MPHOSPH8: variants seen among roughly 807,000 people sequenced by gnomAD.
MPHOSPH8 encodes the protein M-phase phosphoprotein 8.
MPHOSPH8 carries 45 observed loss-of-function variants against 87.3 expected under a neutral mutation model. The ratio of observed to expected loss-of-function variants is 0.52; its 90% CI spans 0.41 to 0.66. The LOEUF is 0.66. MPHOSPH8 is among the 30% of genes least tolerant of loss of function. The probability of loss-of-function intolerance (pLI) is 0.00; values close to 1 mark genes in which losing one functional copy is unlikely to be tolerated. For synonymous variants in MPHOSPH8, 366 were observed against 376.9 expected (o/e 0.97, Z 0.33); for missense variants, 883 against 1,020.2 (o/e 0.87, Z 1.83).
intron 2 of MPHOSPH8, 65 bp downstream of exon 2, chr13:19,642,335 A>G: frequency 1.6e-6 from 2 of 1,276,196 alleles, no homozygotes; most frequent in Non-Finnish European, 2.1e-6. Context: ...TAACTCTCAA[A>G]GTATGTGTAG....
In MPHOSPH8 at chr13:19,670,335, A is replaced by G. The variant is rs1183846277; in HGVS notation, c.2429A>G (p.Asn810Ser). Residue 810 changes from asparagine (N) to serine (S), a missense_variant, in exon 12 of 14, where the codon AAT (asparagine) becomes AGT (serine). By Grantham distance (46) the Asn-to-Ser change is conservative. This residue lies in a region of MPHOSPH8 where 741 missense variants were observed against 841.5 expected (regional missense o/e 0.88). Coordinates refer to ENST00000361479, the MANE Select transcript of MPHOSPH8 (RefSeq NM_017520.4). ...TGTAGTGTACAAGCTGTAGTTCTGA[A>G]TGATAAATTTCAGCTTCCTGTTTTT... ...GPCSVQAVVLNDKFQLPVFLD... is the reference protein window; with the variant it reads ...GPCSVQAVVLSDKFQLPVFLD... The G allele has an allele frequency of 1.2e-6, 2 of 1,614,016 alleles. No individual in the cohort carries two copies. The highest frequency in any genetic ancestry group is 1.7e-6 in the Non-Finnish European group (2 of 1,179,998).
At chr13:19,660,717 C>CT (rs566986291) in intron 7 of MPHOSPH8, among the ~76,000 whole-genome samples, 1 of 151,998 alleles carries the variant, frequency 6.6e-6, no homozygotes, top group South Asian at 2.1e-4. Context: ...TCATTAGAGT[C>CT]TTTTTTCATT....
At chr13:19,643,064 C>G (rs1874380733) in intron 2 of MPHOSPH8, among the ~76,000 whole-genome samples, 1 of 152,166 alleles carries the variant, frequency 6.6e-6, no homozygotes, top group African/African-American at 2.4e-5. Flanking sequence ...TAATGGACTT[C>G]TACTGAACTG....
At chr13:19,661,960 T>TTG in intron 8 of MPHOSPH8, 122 bp downstream of exon 8, 2 of 1,113,452 alleles carry the variant, frequency 1.8e-6, no homozygotes, top group East Asian at 6.0e-5. Context: ...TTTTTTTTTT[T>TTG]AGACGGAGTC....
intron 1 of MPHOSPH8, 60 bp from the exon 2 acceptor site, chr13:19,642,055 T>TTTTTGAAATTTAA: frequency 8.7e-7 from 1 of 1,143,088 alleles, no homozygotes; most frequent in Non-Finnish European, 1.1e-6. Flanking sequence ...TTTTTTTTTT[T>TTTTTGAAATTTAA]TGGAAATTTA....
At chr13:19,637,663 T>C (rs561788235) in intron 1 of MPHOSPH8, among the ~76,000 whole-genome samples, 1 of 152,318 alleles carries the variant, frequency 6.6e-6, no homozygotes, top group South Asian at 2.1e-4. Flanking sequence ...TGCTTTCTTT[T>C]AGGCAGTTCT....
At chr13:19,668,569 G>A in intron 11 of MPHOSPH8, 38 bp downstream of exon 11, 1 of 1,578,308 alleles carries the variant, frequency 6.3e-7, no homozygotes, top group Non-Finnish European at 8.6e-7. Context: ...TCTATGTGAA[G>A]TGTGACACTA....
intron 1 of MPHOSPH8, among the ~76,000 whole-genome samples, chr13:19,640,938 T>C (rs1318865209): frequency 6.6e-6 from 1 of 152,202 alleles, no homozygotes; most frequent in Admixed American, 6.5e-5. Context: ...TATAGTATTA[T>C]CCTAATGTTT....
chr13:19,670,735 A>G (rs1429312615), intron 12 of MPHOSPH8: 1 of 1,183,952 alleles, frequency 8.4e-7, no homozygotes, highest in Non-Finnish European at 1.1e-6. Flanking sequence ...CTTGTACTGT[A>G]TATTGCTGGG....
chr13:19,672,113 C>T lies in MPHOSPH8; in HGVS notation c.*238C>T. 1 of 478,772 alleles carries T rather than the reference C, an allele frequency of 2.1e-6. No homozygotes were observed. Among genetic ancestry groups the T allele is most frequent in the South Asian group, 4.2e-5 (1 of 23,586 alleles). The allele number at this position is 478,772 out of a possible 1,614,324, so 29.7% of individuals were successfully genotyped here. On this transcript the variant is annotated 3_prime_UTR_variant, in exon 14 of 14. Coordinates refer to ENST00000361479, the MANE Select transcript of MPHOSPH8 (RefSeq NM_017520.4). ...CAGTTTTTCCACAATGTGGATAGTACATATGAGGATTATTTAAGAAAATTA... is the reference window on the plus strand; with the variant it reads ...CAGTTTTTCCACAATGTGGATAGTATATATGAGGATTATTTAAGAAAATTA...
At chr13:19,664,579 T>C (rs924677867) in intron 9 of MPHOSPH8, among the ~76,000 whole-genome samples, 5 of 152,192 alleles carry the variant, frequency 3.3e-5, no homozygotes, top group African/African-American at 1.2e-4. Context: ...GAAGATAGTT[T>C]GCAAACTTGT....
Position 19,650,005 on chromosome 13 carries a change from C to T in MPHOSPH8, c.1321C>T (p.Leu441Phe). Residue 441 changes from leucine (L) to phenylalanine (F), a missense_variant and splice_region_variant, in exon 5 of 14, where the codon CTT (leucine) becomes TTT (phenylalanine). This residue lies in a region of MPHOSPH8 where 741 missense variants were observed against 841.5 expected (regional missense o/e 0.88). Coordinates refer to ENST00000361479, the MANE Select transcript of MPHOSPH8 (RefSeq NM_017520.4). Reference protein sequence around the residue: ...GRKEPKGLKTLKEIRNAFDLF... With the variant: ...GRKEPKGLKTFKEIRNAFDLF... ...ATCTATTTTAATTTTTTCGTTAGCA[C>T]TTAAGGAAATCAGAAATGCATTTGA... 6.3e-7 allele frequency: 1 copy of T among 1,580,956 alleles called. No homozygotes were observed. The highest frequency in any genetic ancestry group is 8.6e-7 in the Non-Finnish European group (1 of 1,163,028).
At chr13:19,666,900 G>A (rs1875848212) in intron 10 of MPHOSPH8, among the ~76,000 whole-genome samples, 1 of 152,120 alleles carries the variant, frequency 6.6e-6, no homozygotes, top group African/African-American at 2.4e-5. Flanking sequence ...AGTGGCTCAC[G>A]CTTGTAATCC....
intron 1 of MPHOSPH8, among the ~76,000 whole-genome samples, chr13:19,638,944 G>A (rs542964460): frequency 2.0e-5 from 3 of 152,012 alleles, no homozygotes; most frequent in East Asian, 2.0e-4. Context: ...TTAGCCAGGC[G>A]TGGTGCTGGG....
At chr13:19,662,793 T>C (rs1875614543) in intron 8 of MPHOSPH8, among the ~76,000 whole-genome samples, 1 of 152,272 alleles carries the variant, frequency 6.6e-6, no homozygotes, top group African/African-American at 2.4e-5. Context: ...AAAGGATTTA[T>C]ATGCAGAGGT....
Position 19,646,730 on chromosome 13 carries a change from T to A in MPHOSPH8, c.657T>A (p.Asp219Glu), listed in dbSNP as rs1446710840. ...AGGAGTCCAAAAAGCCCAAAAAAGA[T>A]GAAGTAAAAGAAACAAAAGAATTAA... Reference protein sequence around the residue: ...ELKESKKPKKDEVKETKELKK... With the variant: ...ELKESKKPKKEEVKETKELKK... The change falls in exon 3 of 14, where the codon GAT becomes GAA. Residue 219 changes from aspartate (D) to glutamate (E), a missense_variant. This residue lies in a region of MPHOSPH8 where 741 missense variants were observed against 841.5 expected (regional missense o/e 0.88). Coordinates refer to ENST00000361479, the MANE Select transcript of MPHOSPH8 (RefSeq NM_017520.4). The A allele has an allele frequency of 6.3e-7, 1 of 1,586,634 alleles. No homozygotes were observed. Among genetic ancestry groups the A allele is most frequent in the Non-Finnish European group, 8.5e-7 (1 of 1,171,186 alleles).
rs114305770 is a variant in MPHOSPH8 at position 19,658,892 on chromosome 13, G to C, written c.1577-103G>C. ...TTATACAATGACTTGTGTTAAAAGT[G>C]TACATAAAGCTTTGGTTAAGACACC... On this transcript the variant is annotated intron_variant, in intron 5 of 13. Coordinates refer to ENST00000361479, the MANE Select transcript of MPHOSPH8 (RefSeq NM_017520.4). 5.6e-4 allele frequency: 768 copies of C among 1,380,872 alleles called. 5 individuals carry two copies. The African/African-American group carries it at 9.1e-3, about 16-fold the overall frequency. The allele number at this position is 1,380,872 out of a possible 1,614,324, so 85.5% of individuals were successfully genotyped here.
chr13:19,650,261 G>T lies in MPHOSPH8; in HGVS notation c.1576+1G>T. 6.2e-7 allele frequency: 1 copy of T among 1,611,212 alleles called. No homozygotes were observed. Among genetic ancestry groups the T allele is most frequent in the Non-Finnish European group, 8.5e-7 (1 of 1,178,316 alleles). Reference sequence around the variant, plus strand: ...GTGTGCCAAGCAGATGAGAATTCAGGTGAGTTTGGAATCATTTTGCAGAAT... The same window carrying T: ...GTGTGCCAAGCAGATGAGAATTCAGTTGAGTTTGGAATCATTTTGCAGAAT... On this transcript the variant is annotated splice_donor_variant, in intron 5 of 13. Coordinates refer to ENST00000361479, the MANE Select transcript of MPHOSPH8 (RefSeq NM_017520.4). LOFTEE classifies it high-confidence loss of function.
At chr13:19,671,059 G>A (rs540796327) in intron 12 of MPHOSPH8, 147 bp from the exon 13 acceptor site, 123 of 1,441,440 alleles carry the variant, frequency 8.5e-5, no homozygotes, top group Middle Eastern at 7.5e-4. Context: ...GGGCTCAAGC[G>A]ATTGTCCGCC....
Sources: gnomAD v4.1 joint callset for allele counts (sites outside exome capture counted in the v4.1 genomes callset) on GRCh38, gnomAD v4.1.1 for gene constraint, gnomAD v4.1.1 regional missense constraint, MANE v1.5 for transcripts, NCBI Gene and HGNC (gene_info 2026-07-23, HGNC 2026-07-21) for gene names.